Variants in RAD51B observed in about 807,000 individuals in gnomAD.
RAD51B encodes DNA repair protein RAD51 homolog 2.
A neutral mutation model predicts 42.2 loss-of-function variants in RAD51B; 38 were observed. The observed-to-expected ratio is 0.90, with a 90% CI of 0.70 to 1.18. The LOEUF is 1.18. Among genes scored for constraint, RAD51B ranks in the 50% most tolerant of loss-of-function variants. The pLI is 0.00. For synonymous variants in RAD51B, 154 were observed against 145.2 expected (o/e 1.06, Z -0.43); for missense variants, 373 against 400.7 (o/e 0.93, Z 0.59).
chr14:68,309,610 G>T (rs1202014150), intron 8 of RAD51B, among the ~76,000 whole-genome samples: 1 of 152,078 alleles, frequency 6.6e-6, no homozygotes, highest in Non-Finnish European at 1.5e-5. Context: ...AAAATCACTG[G>T]GGCATGGAGT....
chr14:67,969,260 A>G (rs960498689), intron 7 of RAD51B, among the ~76,000 whole-genome samples: 1 of 152,222 alleles, frequency 6.6e-6, no homozygotes, highest in African/African-American at 2.4e-5. Flanking sequence ...AATGCAAAAA[A>G]TGTTGCAATT....
At chr14:67,902,622 T>C (rs1035724807) in intron 7 of RAD51B, among the ~76,000 whole-genome samples, 10 of 152,198 alleles carry the variant, frequency 6.6e-5, no homozygotes, top group Non-Finnish European at 1.5e-4. Context: ...CATGAGTGGT[T>C]AGTAGTTGGG....
At chr14:68,526,207 G>A (rs1414858975) in intron 10 of RAD51B, among the ~76,000 whole-genome samples, 1 of 152,148 alleles carries the variant, frequency 6.6e-6, no homozygotes, top group East Asian at 1.9e-4. Context: ...TATTAAATGG[G>A]TCCCAAATCT....
At position 68,673,882 on chromosome 14, in the gene RAD51B, A is replaced by ACG. The variant is rs1367829912; in HGVS notation, c.*11+23027_*11+23028insGC. 1.8e-3 allele frequency among the ~76,000 whole-genome samples: 253 copies of ACG among 142,406 alleles called. 1 individual carries two copies. The highest frequency in any genetic ancestry group is 6.3e-3 in the African/African-American group (243 of 38,484). 93.4% of individuals were successfully genotyped at this position (142,406 alleles called of 152,430 possible). On this transcript the variant is annotated intron_variant, in intron 11 of 11. Transcript: ENST00000488612. ...ATACATGTACACATACTGTGCACACACATGTATACATGCACACACATACTG... is the reference window on the plus strand; with the variant it reads ...ATACATGTACACATACTGTGCACACACGCATGTATACATGCACACACATACTG...
At chr14:68,588,551 A>G (rs907597483) in intron 10 of RAD51B, among the ~76,000 whole-genome samples, 1 of 152,192 alleles carries the variant, frequency 6.6e-6, no homozygotes, top group Admixed American at 6.5e-5. Flanking sequence ...ATAGATCGCT[A>G]TGGGTGAAGG....
intron 8 of RAD51B, among the ~76,000 whole-genome samples, chr14:68,399,835 A>G (rs539354959): frequency 6.6e-6 from 1 of 152,332 alleles, no homozygotes; most frequent in East Asian, 1.9e-4. Context: ...AAACTTTGCC[A>G]GGTGTCCCAA....
At chr14:68,041,168 T>C (rs2076211198) in intron 7 of RAD51B, among the ~76,000 whole-genome samples, 1 of 152,204 alleles carries the variant, frequency 6.6e-6, no homozygotes, top group Admixed American at 6.5e-5. Flanking sequence ...CTCTCTCCTG[T>C]TCTGCCATGT....
chr14:68,106,001 G>A (rs424032), intron 7 of RAD51B, among the ~76,000 whole-genome samples: 9 of 151,566 alleles, frequency 5.9e-5, no homozygotes, highest in Non-Finnish European at 1.0e-4. Context: ...GTGTTATTGC[G>A]GTGTTTTAAA....
intron 8 of RAD51B, among the ~76,000 whole-genome samples, chr14:68,378,056 A>G (rs1006687970): frequency 6.6e-6 from 1 of 152,112 alleles, no homozygotes; most frequent in Non-Finnish European, 1.5e-5. Flanking sequence ...GCAAGTCTCA[A>G]TTTTTCCCCT....
At chr14:68,456,869 A>T (rs1427793356) in intron 9 of RAD51B, among the ~76,000 whole-genome samples, 19 of 66,364 alleles carry the variant, frequency 2.9e-4, no homozygotes, top group Non-Finnish European at 5.8e-4. Context: ...CAATGGAATG[A>T]TTTTTTTTTT....
Position 68,066,217 on chromosome 14 carries a change from G to A in RAD51B, c.756+179013G>A, listed in dbSNP as rs192038184. ...TACGTTGTAATAGTAATTAAATAAG[G>A]CAGGATAATAAAACTGTAAAGAACA... On this transcript the variant is annotated intron_variant, in intron 7 of 10. Transcript: ENST00000471583. Among the ~76,000 whole-genome samples the A allele has an allele frequency of 3.3e-5, 5 of 151,932 alleles. No individual in the cohort carries two copies. The East Asian group carries it at 5.8e-4, about 18-fold the overall frequency.
intron 8 of RAD51B, among the ~76,000 whole-genome samples, chr14:68,322,725 TG>T (rs2082178775): frequency 6.6e-6 from 1 of 152,162 alleles, no homozygotes; most frequent in Admixed American, 6.5e-5. Context: ...ATTGTCTCCT[TG>T]CTTTGTGTTG....
At chr14:68,619,758 A>T (rs1242358738) in intron 10 of RAD51B, among the ~76,000 whole-genome samples, 1 of 152,214 alleles carries the variant, frequency 6.6e-6, no homozygotes, top group African/African-American at 2.4e-5. Context: ...AGAAAGGGAA[A>T]ATGAAATGGT....
chr14:68,519,155 C>A (rs1375300334), intron 10 of RAD51B, among the ~76,000 whole-genome samples: 1 of 152,182 alleles, frequency 6.6e-6, no homozygotes, highest in African/African-American at 2.4e-5. Context: ...ACCTCCAGAG[C>A]CAGTTGTTAA....
At chr14:68,594,360 C>T (rs1890892050) in intron 10 of RAD51B, 1 of 893,212 alleles carries the variant, frequency 1.1e-6, no homozygotes, top group Non-Finnish European at 1.6e-6. Context: ...ATGTACATTC[C>T]TATGCCATAC....
rs1014916505 is a variant in RAD51B, at chr14:68,122,093, G to A, written c.757-169791G>A. Among the ~76,000 whole-genome samples, 17 of 152,068 alleles carry A rather than the reference G, an allele frequency of 1.1e-4. No homozygotes were observed. The South Asian group carries it at 1.5e-3, about 13-fold the overall frequency. ...CTTATCCAAAAATAAATCCTTGGGGGCAACAATGATTTAAATGTGAAAAAT... is the reference window on the plus strand; with the variant it reads ...CTTATCCAAAAATAAATCCTTGGGGACAACAATGATTTAAATGTGAAAAAT... On this transcript the variant is annotated intron_variant, in intron 7 of 10. Coordinates refer to ENST00000471583, the MANE Select transcript of RAD51B (RefSeq NM_133510.4).
chr14:68,132,973 C>T (rs1316490531), intron 7 of RAD51B, among the ~76,000 whole-genome samples: 1 of 152,172 alleles, frequency 6.6e-6, no homozygotes, highest in Admixed American at 6.5e-5. Context: ...AGTGCCTTCT[C>T]TGGACTGATC....
At chr14:68,328,884 A>G (rs549285062) in intron 8 of RAD51B, among the ~76,000 whole-genome samples, 64 of 152,220 alleles carry the variant, frequency 4.2e-4, no homozygotes, top group Admixed American at 9.2e-4. Flanking sequence ...GAGCTGAAAG[A>G]TGGAGAGAGA....
chr14:68,441,732 A>G (rs1341953218), intron 9 of RAD51B, among the ~76,000 whole-genome samples: 2 of 152,184 alleles, frequency 1.3e-5, no homozygotes, highest in African/African-American at 2.4e-5. Flanking sequence ...ACTCTGAGTC[A>G]CAGGTTCCCC....
Sources: allele counts gnomAD v4.1 joint callset (sites outside exome capture counted in the v4.1 genomes callset), GRCh38; gene constraint gnomAD v4.1.1; transcripts MANE v1.5; gene names NCBI Gene and HGNC (gene_info 2026-07-23, HGNC 2026-07-21).